The following RAPGEF6 variants were observed in gnomAD, a reference collection of about 807,000 sequenced individuals.
RAPGEF6 encodes the protein Rap guanine nucleotide exchange factor 6, also known as PDZ domain containing guanine nucleotide exchange factor (GEF) 2.
A neutral mutation model predicts 171.4 loss-of-function variants in RAPGEF6; 56 were observed. That is an observed-to-expected ratio of 0.33 (90% CI 0.26 to 0.41). The LOEUF is 0.41. RAPGEF6 is among the 10% of genes least tolerant of loss of function. The pLI is 1.00. For missense variants in RAPGEF6, 1,674 were observed against 1,921.4 expected, an observed-to-expected ratio of 0.87 and a Z score of 2.41; for synonymous variants, 692 against 650.1, an observed-to-expected ratio of 1.06 and a Z score of -0.98.
chr5:131,606,884 C>A (rs1764632387), intron 1 of RAPGEF6, among the ~76,000 whole-genome samples: 1 of 152,184 alleles, frequency 6.6e-6, no homozygotes, highest in Non-Finnish European at 1.5e-5. Flanking sequence ...CAGCTTAGAG[C>A]TACCAATTGA....
chr5:131,591,496 C>A (rs555787001), intron 4 of RAPGEF6, among the ~76,000 whole-genome samples: 11 of 152,226 alleles, frequency 7.2e-5, no homozygotes, highest in African/African-American at 2.6e-4. Flanking sequence ...GCTCATTTTA[C>A]AAATGAGCAA....
At position 131,451,633 on chromosome 5, in the gene RAPGEF6, A is replaced by T. The variant is rs181712963; in HGVS notation, c.3200+1421T>A. 3.8e-3 allele frequency among the ~76,000 whole-genome samples: 579 copies of T among 151,578 alleles called. 3 individuals are homozygous for T. Among genetic ancestry groups the T allele is most frequent in the Non-Finnish European group, 6.2e-3 (422 of 67,806 alleles). On this transcript the variant is annotated intron_variant, in intron 21 of 27. Coordinates refer to ENST00000509018, the MANE Select transcript of RAPGEF6 (RefSeq NM_016340.6). ...AAACAACAATTTAAAGAAAACAAAT[A>T]AAAAAAAACCCAGTGTATCACTGGT...
Position 131,433,651 on chromosome 5 carries a change from T to G in RAPGEF6, c.3753A>C (p.Thr1251=), listed in dbSNP as rs1481452046. 1 of 1,601,884 alleles carries G rather than the reference T, an allele frequency of 6.2e-7. No individual in the cohort carries two copies. Among genetic ancestry groups the G allele is most frequent in the Non-Finnish European group, 8.5e-7 (1 of 1,169,604 alleles). The change falls in exon 25 of 28, where the codon ACA becomes ACC. Residue 1251 remains threonine, a synonymous_variant. Coordinates refer to ENST00000509018, the MANE Select transcript of RAPGEF6 (RefSeq NM_016340.6). ...TGTCAGATTTAGCTGATGGAATAAG[T>G]GTGTAACCTGAACAAGAAAAGAGCA... is the stretch of plus-strand genomic sequence containing the variant. ...SPQGSPHKGY[T]LIPSAKSDNL... is the part of the protein sequence containing the mutation.
chr5:131,514,118 TAAGAA>T (rs1757923567), intron 7 of RAPGEF6, among the ~76,000 whole-genome samples: 1 of 152,128 alleles, frequency 6.6e-6, no homozygotes, highest in Non-Finnish European at 1.5e-5. Flanking sequence ...TAAAATTAGT[TAAGAA>T]AATACATTAA....
chr5:131,581,503 ACT>A (rs1347156698), intron 4 of RAPGEF6, among the ~76,000 whole-genome samples: 6 of 151,922 alleles, frequency 3.9e-5, no homozygotes, highest in African/African-American at 1.2e-4. Flanking sequence ...GCTGCTTTTA[ACT>A]CTACAATATC....
intron 9 of RAPGEF6, among the ~76,000 whole-genome samples, chr5:131,506,375 C>T (rs913376113): frequency 6.6e-6 from 1 of 152,146 alleles, no homozygotes; most frequent in African/African-American, 2.4e-5. Flanking sequence ...GGTGATCCTT[C>T]CACCTAGGCC....
intron 6 of RAPGEF6, among the ~76,000 whole-genome samples, chr5:131,526,563 A>C (rs1169469992): frequency 6.6e-6 from 1 of 152,154 alleles, no homozygotes; most frequent in African/African-American, 2.4e-5. Context: ...TTTTCTTTGT[A>C]TCAAATGAAG....
At chr5:131,524,656 C>T (rs1477505005) in intron 6 of RAPGEF6, among the ~76,000 whole-genome samples, 3 of 150,588 alleles carry the variant, frequency 2.0e-5, no homozygotes, top group Non-Finnish European at 4.4e-5. Context: ...TGCTCTGTCA[C>T]CTACGCTGGA....
intron 18 of RAPGEF6, among the ~76,000 whole-genome samples, chr5:131,463,262 T>C (rs1754064702): frequency 1.3e-5 from 2 of 152,260 alleles, no homozygotes; most frequent in South Asian, 4.1e-4. Flanking sequence ...GTTCTACATA[T>C]GAAACTGGGT....
chr5:131,464,119 G>C lies in RAPGEF6; in HGVS notation c.2402C>G (p.Thr801Ser), dbSNP rs1754147025. The C allele has an allele frequency of 2.5e-6, 4 of 1,613,752 alleles. No individual in the cohort carries two copies. The highest frequency in any genetic ancestry group is 1.3e-5 in the African/African-American group (1 of 74,914). Reference protein sequence around the residue: ...DTYSLCEVSVTPEGVIKQRRL... With the variant: ...DTYSLCEVSVSPEGVIKQRRL... Reference sequence around the variant, plus strand: ...TCTCTGTTTTATGACACCCTCAGGAGTAACAGAAACTTCACAGAGAGAATA... The same window carrying C: ...TCTCTGTTTTATGACACCCTCAGGACTAACAGAAACTTCACAGAGAGAATA... The change falls in exon 18 of 28, where the codon ACT becomes AGT. Residue 801 changes from threonine (T) to serine (S), a missense_variant. By Grantham distance (58) the Thr-to-Ser change is moderately conservative. This residue lies in a region of RAPGEF6 where 1,116 missense variants were observed against 1,321.5 expected (regional missense o/e 0.84). Transcript: ENST00000509018.
intron 6 of RAPGEF6, 104 bp downstream of exon 6, chr5:131,547,943 C>A (rs1760658247): frequency 1.6e-6 from 2 of 1,283,068 alleles, no homozygotes; most frequent in Non-Finnish European, 2.2e-6. Context: ...CAAATTTTCA[C>A]ATACAGAGCC....
intron 15 of RAPGEF6, among the ~76,000 whole-genome samples, chr5:131,484,582 A>G (rs1755745149): frequency 6.6e-6 from 1 of 152,170 alleles, no homozygotes; most frequent in Admixed American, 6.5e-5. Flanking sequence ...AAAACCCTGC[A>G]GTGTCTGTCA....
chr5:131,546,558 CGT>C (rs1561551711), intron 6 of RAPGEF6, among the ~76,000 whole-genome samples: 1 of 151,310 alleles, frequency 6.6e-6, no homozygotes, highest in Non-Finnish European at 1.5e-5. Context: ...AAGCTGAGAT[CGT>C]GCCACTGCAC....
rs140924120 is a variant in RAPGEF6, at chr5:131,556,512, T to C, written c.351+5466A>G. 3.7e-3 allele frequency among the ~76,000 whole-genome samples: 571 copies of C among 152,312 alleles called. 4 individuals carry two copies. Among genetic ancestry groups the C allele is most frequent in the African/African-American group, 0.013 (541 of 41,562 alleles). On this transcript the variant is annotated intron_variant, in intron 5 of 27. Transcript: ENST00000509018. ...GACATACTACATTAGGAATGTACAG[T>C]TAAAATACTGTGTCTTAAAGTCACC...
chr5:131,606,766 C>T (rs1429073746), intron 1 of RAPGEF6, among the ~76,000 whole-genome samples: 1 of 152,116 alleles, frequency 6.6e-6, no homozygotes, highest in Non-Finnish European at 1.5e-5. Context: ...ATTCAAGCAC[C>T]CTGAGACCAC....
At chr5:131,576,046 G>A (rs2149985308) in intron 4 of RAPGEF6, among the ~76,000 whole-genome samples, 1 of 152,198 alleles carries the variant, frequency 6.6e-6, no homozygotes, top group East Asian at 1.9e-4. Context: ...ACTATTCATT[G>A]AAACTCCTAC....
At chr5:131,621,974 TG>T (rs1383227726) in intron 1 of RAPGEF6, among the ~76,000 whole-genome samples, 1 of 152,214 alleles carries the variant, frequency 6.6e-6, no homozygotes, top group Non-Finnish European at 1.5e-5. Flanking sequence ...CCATGTGTTT[TG>T]CTATCTCCTC....
intron 25 of RAPGEF6, among the ~76,000 whole-genome samples, chr5:131,431,619 T>TC (rs1462998939): frequency 6.7e-6 from 1 of 148,574 alleles, no homozygotes; most frequent in Non-Finnish European, 1.5e-5. Flanking sequence ...TGTTAGATAT[T>TC]TTTTTTTTTT....
chr5:131,504,619 C>T lies in RAPGEF6; in HGVS notation c.1254+7G>A. On this transcript the variant is annotated splice_region_variant and intron_variant, in intron 11 of 27. Transcript: ENST00000509018. Reference sequence around the variant, plus strand: ...CAGTGACTAGAAAAATAAGTAAAAACACCCACCTTGATCACAATGTGTCCT... The same window carrying T: ...CAGTGACTAGAAAAATAAGTAAAAATACCCACCTTGATCACAATGTGTCCT... 6.3e-7 allele frequency: 1 copy of T among 1,576,178 alleles called. No homozygotes were observed. Among genetic ancestry groups the T allele is most frequent in the Non-Finnish European group, 8.6e-7 (1 of 1,166,500 alleles).
Sources: gnomAD v4.1 joint callset for allele counts (sites outside exome capture counted in the v4.1 genomes callset) on GRCh38, gnomAD v4.1.1 for gene constraint, gnomAD v4.1.1 regional missense constraint, MANE v1.5 for transcripts, NCBI Gene and HGNC (gene_info 2026-07-23, HGNC 2026-07-21) for gene names.